Variants in DMTN observed in about 807,000 individuals in gnomAD.
The protein encoded by DMTN is dematin actin binding protein, also known as dematin.
Under a neutral mutation model 59.4 loss-of-function variants are expected in DMTN, and 27 were observed. The observed-to-expected ratio is 0.45, with a 90% CI of 0.33 to 0.63. The LOEUF (loss-of-function observed/expected upper bound fraction) is 0.63. DMTN is among the 20% of genes least tolerant of loss of function. The pLI is 0.02. For missense variants in DMTN, 451 were observed against 528.9 expected (o/e 0.85, Z 1.45); for synonymous variants, 221 against 203.7 (o/e 1.08, Z -0.72).
upstream of DMTN, among the ~76,000 whole-genome samples, chr8:22,055,214 G>A (rs1802008818): frequency 6.6e-6 from 1 of 152,128 alleles, no homozygotes; most frequent in African/African-American, 2.4e-5. Flanking sequence ...TACCTCTGGG[G>A]ACCCTTGCAC....
chr8:22,049,444 C>A (rs376544970), upstream of DMTN, among the ~76,000 whole-genome samples: 4 of 151,740 alleles, frequency 2.6e-5, no homozygotes, highest in Non-Finnish European at 4.4e-5. Flanking sequence ...CCAGCTTCTC[C>A]GGTGGGCTTT....
intron 7 of DMTN, 117 bp downstream of exon 7, chr8:22,070,054 G>C: frequency 6.4e-7 from 1 of 1,556,562 alleles, no homozygotes; most frequent in Admixed American, 1.7e-5. Flanking sequence ...AGCAGCACGT[G>C]TGCCCCGTGC....
At chr8:22,061,770 T>TTTTTTTTTG (rs1806734457) in intron 1 of DMTN, among the ~76,000 whole-genome samples, 1 of 148,490 alleles carries the variant, frequency 6.7e-6, no homozygotes, top group Non-Finnish European at 1.5e-5. Flanking sequence ...TTTTTTTTTT[T>TTTTTTTTTG]GGAGACAGAA....
At chr8:22,071,591 T>G (rs570056568) in intron 8 of DMTN, among the ~76,000 whole-genome samples, 35 of 151,838 alleles carry the variant, frequency 2.3e-4, no homozygotes, top group African/African-American at 8.2e-4. Flanking sequence ...ATTTATTTAT[T>G]TATTTGGAGA....
chr8:22,081,092 T>TGGGGGGGGGGGCGGGCGGGGGGGGGGGGG, intron 14 of DMTN, 21 bp from the exon 15 acceptor site: 1 of 1,547,318 alleles, frequency 6.5e-7, no homozygotes, highest in Non-Finnish European at 8.9e-7. Flanking sequence ...AGCCTAAGAT[T>TGGGGGGGGGGGCGGGCGGGGGGGGGGGGG]GCCCCTCCCC....
rs1824288981 is a variant in DMTN, at chr8:22,081,523, G to C, written c.*60G>C. ...CCTGCTGCTTCAGGGTTTTTCCCCG[G>C]CGGGTTGGGAGGGGCAGGAGGTGGG... On this transcript the variant is annotated 3_prime_UTR_variant, in exon 16 of 16. Coordinates refer to ENST00000358242, the MANE Select transcript of DMTN (RefSeq NM_001387751.1). 3 of 1,528,826 alleles carry C rather than the reference G, an allele frequency of 2.0e-6. No individual in the cohort carries two copies. In the African/African-American group the frequency reaches 4.1e-5, roughly 21 times the overall value. 94.7% of individuals were successfully genotyped at this position (1,528,826 alleles called of 1,614,324 possible).
At chr8:22,057,868 G>C (rs1803576189) in intron 1 of DMTN, 1 of 152,398 alleles carries the variant, frequency 6.6e-6, no homozygotes, top group African/African-American at 2.4e-5. Flanking sequence ...GGGACCAGTT[G>C]CCTGGTTGTG....
At chr8:22,077,203 G>C (rs2131411920) in intron 10 of DMTN, among the ~76,000 whole-genome samples, 1 of 152,234 alleles carries the variant, frequency 6.6e-6, no homozygotes, top group East Asian at 1.9e-4. Flanking sequence ...GACAGAAGGT[G>C]GGAGGTGGGG....
chr8:22,049,600 C>T (rs1315565227), upstream of DMTN, among the ~76,000 whole-genome samples: 1 of 148,374 alleles, frequency 6.7e-6, no homozygotes, highest in African/African-American at 2.5e-5. Context: ...ACCAGGTCAG[C>T]TCTTCAGGGG....
Position 22,067,199 on chromosome 8 carries a change from AG to A in DMTN, c.93+46del. On this transcript the variant is annotated intron_variant, in intron 3 of 15. Transcript: ENST00000358242. ...CGGCCACCAGCAACCCCTGGCTGGG[AG>A]GGGGGAGGGTGGGGGACCCCTGGCT... 8 of 1,593,334 alleles carry A rather than the reference AG, an allele frequency of 5.0e-6. No individual in the cohort carries two copies. The South Asian group carries it at 6.7e-5, about 13-fold the overall frequency.
Position 22,081,957 on chromosome 8 carries a change from C to T in DMTN, c.*494C>T, listed in dbSNP as rs1824490148. On this transcript the variant is annotated 3_prime_UTR_variant, in exon 16 of 16. Coordinates refer to ENST00000358242, the MANE Select transcript of DMTN (RefSeq NM_001387751.1). ...CCTCTGACTCTAGTGGGAACAGGCCCCAGCTCAGCCTCCGGCAGGGAGGTC... is the reference window on the plus strand; with the variant it reads ...CCTCTGACTCTAGTGGGAACAGGCCTCAGCTCAGCCTCCGGCAGGGAGGTC... 1 of 456,974 alleles carries T rather than the reference C, an allele frequency of 2.2e-6. No homozygotes were observed. The highest frequency in any genetic ancestry group is 2.3e-5 in the Admixed American group (1 of 42,554). 28.3% of individuals were successfully genotyped at this position (456,974 alleles called of 1,614,324 possible). A position where few individuals can be genotyped will look rare whatever the true frequency, so the allele number is the denominator to read the frequency against.
chr8:22,079,269 A>ATATATATATATAT (rs1554562269), intron 10 of DMTN, among the ~76,000 whole-genome samples: 18 of 21,190 alleles, frequency 8.5e-4, no homozygotes, highest in African/African-American at 2.5e-3. Flanking sequence ...TAAATAAATA[A>ATATATATATATAT]ATAAATAAAT....
Position 22,066,824 on chromosome 8 carries a change from C to T in DMTN, c.-52C>T, listed in dbSNP as rs989245154. 33 of 1,423,914 alleles carry T rather than the reference C, an allele frequency of 2.3e-5. No individual in the cohort carries two copies. In the African/African-American group the frequency reaches 2.7e-4, roughly 12 times the overall value. 88.2% of individuals were successfully genotyped at this position (1,423,914 alleles called of 1,614,324 possible). A position where few individuals can be genotyped will look rare whatever the true frequency, so the allele number is the denominator to read the frequency against. ...CGCCGAGCCTGACACGCTGTCCTCT[C>T]CCCTCGCGCACAGGGCTCTGCGAGT... On this transcript the variant is annotated 5_prime_UTR_variant, in exon 2 of 16. Coordinates refer to ENST00000358242, the MANE Select transcript of DMTN (RefSeq NM_001387751.1).
At position 22,069,948 on chromosome 8, in the gene DMTN, C is replaced by A. The variant is rs780003753; in HGVS notation, c.451+11C>A. On this transcript the variant is annotated intron_variant, in intron 7 of 15. Transcript: ENST00000358242. Reference sequence around the variant, plus strand: ...TCTATAAGCAGAGAGGTGAGGGCGCCCCTGGCTCACCAGAGCCTGCTTCCG... The same window carrying A: ...TCTATAAGCAGAGAGGTGAGGGCGCACCTGGCTCACCAGAGCCTGCTTCCG... 1.3e-5 allele frequency: 21 copies of A among 1,613,992 alleles called. No homozygotes were observed. Among genetic ancestry groups the A allele is most frequent in the Non-Finnish European group, 1.8e-5 (21 of 1,179,888 alleles).
rs779444301 is a variant in DMTN, at chr8:22,060,062, C to T, written c.-172+2926C>T. Among the ~76,000 whole-genome samples, 1 of 152,114 alleles carries T rather than the reference C, an allele frequency of 6.6e-6. No individual in the cohort carries two copies. Among genetic ancestry groups the T allele is most frequent in the Admixed American group, 6.5e-5 (1 of 15,272 alleles). On this transcript the variant is annotated intron_variant, in intron 1 of 15. Coordinates refer to ENST00000358242, the MANE Select transcript of DMTN (RefSeq NM_001387751.1). The surrounding 1 kb of genome is among the most constrained non-coding windows in gnomAD (Gnocchi z 5.0). Reference sequence around the variant, plus strand: ...GGGTGGGGCTGAGATGGAGGGCGAGCGGCTGGCTGGCGTCCGACCAGGGCC... The same window carrying T: ...GGGTGGGGCTGAGATGGAGGGCGAGTGGCTGGCTGGCGTCCGACCAGGGCC...
rs760630620 is a variant in DMTN, at chr8:22,081,153, G to A, written c.1064G>A (p.Arg355Gln). Residue 355 changes from arginine (R) to glutamine (Q), a missense_variant, in exon 15 of 16, where the codon CGA becomes CAA. Coordinates refer to ENST00000358242, the MANE Select transcript of DMTN (RefSeq NM_001387751.1). ...YEMLVVTNKG[R>Q]TKLPPGVDRM... ...ATGCTAGTGGTGACCAACAAGGGGC[G>A]AACCAAGCTGCCACCGGGGGTGGAT... 3.4e-5 allele frequency: 55 copies of A among 1,611,558 alleles called. No homozygotes were observed. The South Asian group carries it at 4.3e-4, about 13-fold the overall frequency.
At chr8:22,049,799 C>A (rs1343593410), upstream of DMTN, among the ~76,000 whole-genome samples, 1 of 152,128 alleles carries the variant, frequency 6.6e-6, no homozygotes, top group African/African-American at 2.4e-5. Context: ...TCTGAGACTA[C>A]CTTGAGGAGG....
At chr8:22,054,187 G>A (rs552329428), upstream of DMTN, among the ~76,000 whole-genome samples, 313 of 152,066 alleles carry the variant, frequency 2.1e-3, no homozygotes, top group Non-Finnish European at 3.0e-3. Context: ...CACTCCTCAG[G>A]TCGACAGAGG....
Position 22,069,439 on chromosome 8 carries a change from G to T in DMTN, c.315G>T (p.Ser105=), listed in dbSNP as rs532164106. ...TGCAGGTGTGGGCGGACAGCCGGTC[G>T]CCTGGAATCATCTCTCAGGCCTCGG... is the stretch of plus-strand genomic sequence containing the variant. ...PSPEVWADSR[S]PGIISQASAP... is the part of the protein sequence containing the mutation. Residue 105 remains serine (S), a synonymous_variant, in exon 6 of 16, where the codon TCG becomes TCT. Coordinates refer to ENST00000358242, the MANE Select transcript of DMTN (RefSeq NM_001387751.1). The T allele has an allele frequency of 5.0e-6, 8 of 1,612,926 alleles. No homozygotes were observed. The South Asian group carries it at 8.8e-5, about 18-fold the overall frequency.
Sources: allele counts gnomAD v4.1 joint callset (sites outside exome capture counted in the v4.1 genomes callset), GRCh38; gene constraint gnomAD v4.1.1; non-coding constraint Gnocchi (gnomAD v3.1); transcripts MANE v1.5; gene names NCBI Gene and HGNC (gene_info 2026-07-23, HGNC 2026-07-21).